RPGRIP1L: variants seen among roughly 807,000 people sequenced by gnomAD.
RPGRIP1L encodes RPGRIP1 like, also known as protein fantom.
In RPGRIP1L, 131 loss-of-function variants were observed where a neutral mutation model predicts 160.4. The ratio of observed to expected loss-of-function variants is 0.82; its 90% CI spans 0.71 to 0.94. The LOEUF is 0.94. RPGRIP1L is among the 40% of genes least tolerant of loss of function. RPGRIP1L has a pLI of 0.00. For synonymous variants in RPGRIP1L, 510 were observed against 515.8 expected (o/e 0.99, Z 0.15); for missense variants, 1,522 against 1,535.8 (o/e 0.99, Z 0.15).
chr16:53,676,902 G>A (rs1969226520), intron 6 of RPGRIP1L, among the ~76,000 whole-genome samples: 1 of 151,976 alleles, frequency 6.6e-6, no homozygotes, highest in Admixed American at 6.5e-5. Context: ...CAAAGTGCTG[G>A]GATTACAGGT....
Position 53,696,163 on chromosome 16 carries a change from TC to T in RPGRIP1L, c.217del (p.Asp73IlefsTer10). On this transcript the variant is annotated frameshift_variant, in exon 3 of 27. Transcript: ENST00000647211. LOFTEE classifies it high-confidence loss of function. The stretch of plus-strand genomic sequence containing the variant: ...TTTTTATCATAACCTTTTAATTTTA[TC>T]CTCCTGCTTGCGGGCATGCTGTTTA... ...LLKQHARKQE[D>X]KIKRMATKLI... 6.2e-7 allele frequency: 1 copy of T among 1,613,982 alleles called. No individual in the cohort carries two copies. Among genetic ancestry groups the T allele is most frequent in the Non-Finnish European group, 8.5e-7 (1 of 1,179,950 alleles).
At position 53,675,543 on chromosome 16, in the gene RPGRIP1L, A is replaced by C. The variant is rs891042218; in HGVS notation, c.777-421T>G. Among the ~76,000 whole-genome samples, 18 of 152,302 alleles carry C rather than the reference A, an allele frequency of 1.2e-4. No individual in the cohort carries two copies. In the East Asian group the frequency reaches 3.3e-3, roughly 28 times the overall value. ...ACTTTTCCCTAAATGAAAAATATGC[A>C]ATACAGCCATTCATCTTTCTACAAC... On this transcript the variant is annotated intron_variant, in intron 6 of 26. Coordinates refer to ENST00000647211, the MANE Select transcript of RPGRIP1L (RefSeq NM_015272.5).
At chr16:53,602,385 C>G (rs1179759806) in intron 26 of RPGRIP1L, among the ~76,000 whole-genome samples, 197 bp from the exon 27 acceptor site, 1 of 152,124 alleles carries the variant, frequency 6.6e-6, no homozygotes, top group African/African-American at 2.4e-5. Context: ...CCGCATGGAC[C>G]TGTACATATT....
At chr16:53,673,163 G>T in intron 7 of RPGRIP1L, 147 bp from the exon 8 acceptor site, 1 of 764,568 alleles carries the variant, frequency 1.3e-6, no homozygotes, top group Non-Finnish European at 2.1e-6. Flanking sequence ...CATAACAAAT[G>T]ATGTATACGT....
rs142938635 is a variant in RPGRIP1L at position 53,601,521 on chromosome 16, G to A, written c.*555C>T. ...GCATGCATCAAAGAAAATGCATACT[G>A]AGCTTTAATGTGCATAAAATGGATA... is the stretch of plus-strand genomic sequence containing the variant. On this transcript the variant is annotated 3_prime_UTR_variant, in exon 27 of 27. Coordinates refer to ENST00000647211, the MANE Select transcript of RPGRIP1L (RefSeq NM_015272.5). 1 of 153,984 alleles carries A rather than the reference G, an allele frequency of 6.5e-6. No individual in the cohort carries two copies. Among genetic ancestry groups the A allele is most frequent in the South Asian group, 2.0e-4 (1 of 4,906 alleles). 9.5% of individuals were successfully genotyped at this position (153,984 alleles called of 1,614,324 possible). A position where few individuals can be genotyped will look rare whatever the true frequency, so the allele number is the denominator to read the frequency against.
intron 6 of RPGRIP1L, among the ~76,000 whole-genome samples, chr16:53,679,495 G>A (rs1021666230): frequency 2.6e-5 from 4 of 151,842 alleles, no homozygotes; most frequent in African/African-American, 7.2e-5. Context: ...TCTGCCTCCT[G>A]GTTCAAGTGA....
Position 53,611,103 on chromosome 16 carries a change from T to G in RPGRIP1L, c.3617-52A>C, listed in dbSNP as rs757738531. 4 of 1,162,346 alleles carry G rather than the reference T, an allele frequency of 3.4e-6. No individual in the cohort carries two copies. In the African/African-American group the frequency reaches 6.0e-5, roughly 18 times the overall value. The allele number at this position is 1,162,346 out of a possible 1,614,324, so 72.0% of individuals were successfully genotyped here. ...AAAAGGAAGTCACTCAGGAATAGGC[T>G]ACATTAGTACCATTCTGTATTTTTA... On this transcript the variant is annotated intron_variant, in intron 24 of 26. Coordinates refer to ENST00000647211, the MANE Select transcript of RPGRIP1L (RefSeq NM_015272.5).
At chr16:53,602,211 GT>G (rs1346910226) in intron 26 of RPGRIP1L, 23 bp from the exon 27 acceptor site, 4 of 1,484,944 alleles carry the variant, frequency 2.7e-6, no homozygotes, top group Non-Finnish European at 3.8e-6. Context: ...GAGCAGGAAA[GT>G]GTTAATATCA....
chr16:53,637,514 T>C (rs1965915762), intron 21 of RPGRIP1L, among the ~76,000 whole-genome samples, 181 bp downstream of exon 21: 1 of 152,194 alleles, frequency 6.6e-6, no homozygotes. Flanking sequence ...TAAGAAGAGA[T>C]ACAACAATTC....
At chr16:53,678,495 C>G (rs1969359972) in intron 6 of RPGRIP1L, among the ~76,000 whole-genome samples, 1 of 152,114 alleles carries the variant, frequency 6.6e-6, no homozygotes, top group Non-Finnish European at 1.5e-5. Context: ...GCTTAAGAAG[C>G]AAAAACTTTG....
chr16:53,612,070 A>C (rs1413077518), intron 24 of RPGRIP1L, among the ~76,000 whole-genome samples: 2 of 152,158 alleles, frequency 1.3e-5, no homozygotes, highest in African/African-American at 4.8e-5. Flanking sequence ...CTATCAACTC[A>C]TTTGTTTGGC....
Position 53,658,419 on chromosome 16 carries a change from T to A in RPGRIP1L, c.1396A>T (p.Ile466Leu). 6.2e-7 allele frequency: 1 copy of A among 1,610,200 alleles called. No homozygotes were observed. Among genetic ancestry groups the A allele is most frequent in the Non-Finnish European group, 8.5e-7 (1 of 1,176,658 alleles). ...GATGAAGTTCAGAACCTTACCTTTA[T>A]AAGTAGGAGAGCTTCACTCAATTCA... is the stretch of plus-strand genomic sequence containing the variant. ...ADELSEALLL[I>L]KAQKEQKNGD... Residue 466 changes from isoleucine (I) to leucine (L), a missense_variant, in exon 12 of 27, where the codon ATA becomes TTA. Coordinates refer to ENST00000647211, the MANE Select transcript of RPGRIP1L (RefSeq NM_015272.5).
intron 21 of RPGRIP1L, among the ~76,000 whole-genome samples, chr16:53,637,326 T>A (rs368938549): frequency 2.6e-5 from 4 of 152,306 alleles, no homozygotes; most frequent in South Asian, 2.1e-4. Context: ...TACCAGATTT[T>A]AAAAAATACA....
At chr16:53,634,888 T>C (rs1372357329) in intron 22 of RPGRIP1L, among the ~76,000 whole-genome samples, 4 of 152,170 alleles carry the variant, frequency 2.6e-5, no homozygotes, top group Admixed American at 6.5e-5. Context: ...AGGATGCTGG[T>C]CAGTGACTGC....
chr16:53,672,371 T>C lies in RPGRIP1L; in HGVS notation c.1029+499A>G, dbSNP rs542598473. On this transcript the variant is annotated intron_variant, in intron 8 of 26. Coordinates refer to ENST00000647211, the MANE Select transcript of RPGRIP1L (RefSeq NM_015272.5). Reference sequence around the variant, plus strand: ...ACAGAATGCAGGCATCTTATTTCACTTCCATTCTCCTTGGGAACAAACTTA... The same window carrying C: ...ACAGAATGCAGGCATCTTATTTCACCTCCATTCTCCTTGGGAACAAACTTA... 3.9e-5 allele frequency among the ~76,000 whole-genome samples: 6 copies of C among 152,250 alleles called. No homozygotes were observed. The South Asian group carries it at 8.3e-4, about 21-fold the overall frequency.
chr16:53,687,371 T>C (rs1172008980), intron 5 of RPGRIP1L, among the ~76,000 whole-genome samples: 1 of 152,104 alleles, frequency 6.6e-6, no homozygotes, highest in African/African-American at 2.4e-5. Context: ...GTGGCAGAAG[T>C]AACTTTTTTG....
At position 53,658,408 on chromosome 16, in the gene RPGRIP1L, C is replaced by A; in HGVS notation, c.1401+6G>T. ...ATGAAAATCACGATGAAGTTCAGAA[C>A]CTTACCTTTATAAGTAGGAGAGCTT... On this transcript the variant is annotated splice_donor_region_variant and intron_variant, in intron 12 of 26. Transcript: ENST00000647211. 3 of 1,605,636 alleles carry A rather than the reference C, an allele frequency of 1.9e-6. No homozygotes were observed. Among genetic ancestry groups the A allele is most frequent in the East Asian group, 2.2e-5 (1 of 44,720 alleles).
At chr16:53,697,121 G>A (rs1234210685) in intron 2 of RPGRIP1L, among the ~76,000 whole-genome samples, 1 of 152,032 alleles carries the variant, frequency 6.6e-6, no homozygotes, top group Non-Finnish European at 1.5e-5. Flanking sequence ...CCAGGAGGCG[G>A]AGGTTGCAGT....
rs1235183145 is a variant in RPGRIP1L, at chr16:53,649,122, A to T, written c.2153-7T>A. ...GGGATGTCTCCTTTTGTTCCTACAA[A>T]TCAGTACATAACCCAAGGTTAAAAT... On this transcript the variant is annotated splice_polypyrimidine_tract_variant and splice_region_variant and intron_variant, in intron 15 of 26. Transcript: ENST00000647211. The T allele has an allele frequency of 1.2e-6, 2 of 1,613,330 alleles. No individual in the cohort carries two copies. The highest frequency in any genetic ancestry group is 2.7e-5 in the African/African-American group (2 of 74,920).
Sources: gnomAD v4.1 joint callset for allele counts (sites outside exome capture counted in the v4.1 genomes callset) on GRCh38, gnomAD v4.1.1 for gene constraint, MANE v1.5 for transcripts, NCBI Gene and HGNC (gene_info 2026-07-23, HGNC 2026-07-21) for gene names.